MATN2: variants seen among roughly 807,000 people sequenced by gnomAD.
MATN2 encodes the protein matrilin 2.
In MATN2, 69 loss-of-function variants were observed where a neutral mutation model predicts 103.2. That is an observed-to-expected ratio of 0.67 (90% CI 0.55 to 0.82). The LOEUF is 0.82. Among genes scored for constraint, MATN2 ranks in the 40% least tolerant of loss-of-function variants. MATN2 has a pLI of 0.00. For missense variants in MATN2, 1,023 were observed against 1,211.5 expected (o/e 0.84, Z 2.31); for synonymous variants, 429 against 450.2 (o/e 0.95, Z 0.60).
intron 6 of MATN2, among the ~76,000 whole-genome samples, chr8:97,993,766 C>G (rs1018253500): frequency 3.9e-4 from 59 of 152,048 alleles, no homozygotes; most frequent in African/African-American, 1.4e-3. Flanking sequence ...TTGTTTGGCT[C>G]ATTGTTTGAT....
At chr8:97,871,803 T>C (rs902343544) in intron 1 of MATN2, among the ~76,000 whole-genome samples, 2 of 152,212 alleles carry the variant, frequency 1.3e-5, no homozygotes, top group African/African-American at 4.8e-5. Flanking sequence ...TCAGATGGAA[T>C]GGCAGGGCTG....
Position 98,035,799 on chromosome 8 carries a change from A to G in MATN2, c.*87A>G, listed in dbSNP as rs377765681. Reference sequence around the variant, plus strand: ...GAGCCCCAAAGCTCAGGCTATTGTTAAATCAATAATGTTGTGAAGTAAAAC... The same window carrying G: ...GAGCCCCAAAGCTCAGGCTATTGTTGAATCAATAATGTTGTGAAGTAAAAC... On this transcript the variant is annotated 3_prime_UTR_variant, in exon 19 of 19. Coordinates refer to ENST00000254898, the MANE Select transcript of MATN2 (RefSeq NM_002380.5). The G allele has an allele frequency of 3.9e-6, 3 of 772,426 alleles. No individual in the cohort carries two copies. The highest frequency in any genetic ancestry group is 2.9e-5 in the East Asian group (1 of 34,050). 47.8% of individuals were successfully genotyped at this position (772,426 alleles called of 1,614,324 possible). A position where few individuals can be genotyped will look rare whatever the true frequency, so the allele number is the denominator to read the frequency against.
At chr8:97,897,841 A>G (rs749423031) in intron 2 of MATN2, among the ~76,000 whole-genome samples, 1 of 152,176 alleles carries the variant, frequency 6.6e-6, no homozygotes, top group Non-Finnish European at 1.5e-5. Context: ...CTTCATTCCT[A>G]TCTTGTGATT....
intron 12 of MATN2, among the ~76,000 whole-genome samples, chr8:98,018,928 C>T (rs2130422700): frequency 6.6e-6 from 1 of 151,826 alleles, no homozygotes; most frequent in East Asian, 1.9e-4. Flanking sequence ...CTATAGGTCA[C>T]CCAGAACAGG....
rs12550104 is a variant in MATN2 at position 98,005,437 on chromosome 8, G to A, written c.1327+1654G>A. 0.11 allele frequency among the ~76,000 whole-genome samples: 16,951 copies of A among 152,178 alleles called. 1,223 individuals carry two copies. The highest frequency in any genetic ancestry group is 0.17 in the Middle Eastern group (51 of 294). The stretch of plus-strand genomic sequence containing the variant: ...TGGCCCTGGCAATTTTCCCAGGGCA[G>A]GTGGTCCTGACCTGGCTGAGCCCAC... On this transcript the variant is annotated intron_variant, in intron 8 of 18. Transcript: ENST00000254898. The surrounding 1 kb of genome is among the most constrained non-coding windows in gnomAD (Gnocchi z 4.6).
At chr8:97,878,435 C>T (rs116547474) in intron 1 of MATN2, among the ~76,000 whole-genome samples, 10 of 151,792 alleles carry the variant, frequency 6.6e-5, no homozygotes, top group African/African-American at 2.2e-4. Context: ...GGTGTAGTCT[C>T]AGTTACTGGG....
At chr8:97,908,997 G>A (rs1819273884) in intron 2 of MATN2, among the ~76,000 whole-genome samples, 1 of 151,976 alleles carries the variant, frequency 6.6e-6, no homozygotes. Context: ...GGAGGGCAGT[G>A]CCCTGATCTT....
rs202079266 is a variant in MATN2 at position 97,968,206 on chromosome 8, AT to A, written c.958+6683del. On this transcript the variant is annotated intron_variant, in intron 5 of 18. Coordinates refer to ENST00000254898, the MANE Select transcript of MATN2 (RefSeq NM_002380.5). ...TGCCCTGGACCTGGCCCCCCAAATC[AT>A]TTTTTTCCCCTAGGCCTCTGGGCCT... Among the ~76,000 whole-genome samples, 58 of 151,922 alleles carry A rather than the reference AT, an allele frequency of 3.8e-4. No homozygotes were observed. The East Asian group carries it at 8.5e-3, about 22-fold the overall frequency.
chr8:97,945,717 A>ATATATATATATATATATATAT (rs1554605715), intron 4 of MATN2, among the ~76,000 whole-genome samples: 1 of 121,832 alleles, frequency 8.2e-6, no homozygotes, highest in African/African-American at 3.1e-5. Flanking sequence ...AAAAAAAAAA[A>ATATATATATATATATATATAT]ATATATATAT....
Position 97,991,135 on chromosome 8 carries a change from G to A in MATN2, c.1082-3345G>A, listed in dbSNP as rs79193835. 9.0e-3 allele frequency among the ~76,000 whole-genome samples: 1,373 copies of A among 152,316 alleles called. 24 individuals carry two copies. The highest frequency in any genetic ancestry group is 0.032 in the African/African-American group (1,318 of 41,574). On this transcript the variant is annotated intron_variant, in intron 6 of 18. Transcript: ENST00000254898. ...CCATCACTATCCTATGGGACACTCT[G>A]GTTGATGGAAATTCTCTGTTTGCAT... is the stretch of plus-strand genomic sequence containing the variant.
intron 6 of MATN2, among the ~76,000 whole-genome samples, chr8:97,988,168 A>AT (rs1448527402): frequency 5.1e-4 from 29 of 56,556 alleles, no homozygotes; most frequent in Admixed American, 1.8e-3. Flanking sequence ...AAAAAAAAAA[A>AT]AAAATATATA....
rs2130139823 is a variant in MATN2 at position 97,930,962 on chromosome 8, G to C, written c.152G>C (p.Cys51Ser). Residue 51 changes from cysteine (C) to serine (S), a missense_variant, in exon 3 of 19, where the codon TGT (cysteine) becomes TCT (serine). Transcript: ENST00000254898. Reference sequence around the variant, plus strand: ...TCTCCTCTTTCCCCAGAGAGTTCCTGTGAGAACAAGCGGGCAGACCTGGTT... The same window carrying C: ...TCTCCTCTTTCCCCAGAGAGTTCCTCTGAGAACAAGCGGGCAGACCTGGTT... The part of the protein sequence containing the change: ...HPQTALLESS[C>S]ENKRADLVFI... 6.2e-7 allele frequency: 1 copy of C among 1,606,992 alleles called. No individual in the cohort carries two copies. Among genetic ancestry groups the C allele is most frequent in the South Asian group, 1.1e-5 (1 of 89,686 alleles).
intron 4 of MATN2, among the ~76,000 whole-genome samples, chr8:97,959,323 T>A (rs1404873894): frequency 6.6e-6 from 1 of 152,226 alleles, no homozygotes; most frequent in Non-Finnish European, 1.5e-5. Flanking sequence ...CACCATGATA[T>A]CCCCAATGCT....
intron 5 of MATN2, among the ~76,000 whole-genome samples, chr8:97,970,557 G>A (rs1177374676): frequency 6.6e-6 from 1 of 152,174 alleles, no homozygotes; most frequent in Non-Finnish European, 1.5e-5. Context: ...GCCAATCACT[G>A]AGACAACAAG....
At chr8:97,929,875 A>T (rs1326721108) in intron 2 of MATN2, among the ~76,000 whole-genome samples, 2 of 152,218 alleles carry the variant, frequency 1.3e-5, no homozygotes, top group South Asian at 4.1e-4. Context: ...GAGTTACATA[A>T]TATGATGCTA....
intron 1 of MATN2, among the ~76,000 whole-genome samples, chr8:97,883,516 T>C (rs1432349206): frequency 6.6e-6 from 1 of 150,820 alleles, no homozygotes; most frequent in Non-Finnish European, 1.5e-5. Flanking sequence ...GCCTCCCAAG[T>C]AGCTGGGACT....
chr8:98,032,532 T>G (rs545883260), intron 16 of MATN2, among the ~76,000 whole-genome samples: 3 of 152,212 alleles, frequency 2.0e-5, no homozygotes, highest in Admixed American at 1.3e-4. Flanking sequence ...TGTTTTTGTT[T>G]TTGTTGTTGT....
intron 5 of MATN2, among the ~76,000 whole-genome samples, chr8:97,962,655 G>C (rs1167968475): frequency 1.3e-5 from 2 of 152,086 alleles, no homozygotes; most frequent in African/African-American, 4.8e-5. Flanking sequence ...AGAGTGGCAG[G>C]GTTCCACACC....
intron 2 of MATN2, among the ~76,000 whole-genome samples, chr8:97,921,485 A>T (rs1475904412): frequency 2.6e-5 from 4 of 152,318 alleles, no homozygotes; most frequent in Non-Finnish European, 4.4e-5. Context: ...AGAGGGGAGA[A>T]TTGATTATTT....
Sources: allele counts gnomAD v4.1 joint callset (sites outside exome capture counted in the v4.1 genomes callset), GRCh38; gene constraint gnomAD v4.1.1; non-coding constraint Gnocchi (gnomAD v3.1); transcripts MANE v1.5; gene names NCBI Gene and HGNC (gene_info 2026-07-23, HGNC 2026-07-21).